The following ZNF438 variants were observed in gnomAD, a reference collection of about 807,000 sequenced individuals.
The protein encoded by ZNF438 is zinc finger protein 438.
In ZNF438, 25 loss-of-function variants were observed where a neutral mutation model predicts 38.0. The observed-to-expected ratio is 0.66, with a 90% CI of 0.48 to 0.92. The LOEUF is 0.92. Ranked by LOEUF, ZNF438 falls within the 40% of genes least tolerant of loss-of-function variation. The pLI is 0.00. For missense variants in ZNF438, 1,007 were observed against 999.6 expected (o/e 1.01, Z -0.10); for synonymous variants, 372 against 364.1 (o/e 1.02, Z -0.25).
intron 1 of ZNF438, among the ~76,000 whole-genome samples, chr10:30,992,448 T>TG: frequency 6.6e-6 from 1 of 151,438 alleles, no homozygotes; most frequent in South Asian, 2.1e-4. Context: ...AGTCTTGCTC[T>TG]GTCGCCCAAG....
At chr10:31,028,333 T>C (rs1564369629) in intron 1 of ZNF438, among the ~76,000 whole-genome samples, 4 of 152,200 alleles carry the variant, frequency 2.6e-5, no homozygotes. Flanking sequence ...TGGTGAGCCC[T>C]GTCAACACTG....
At chr10:30,993,320 C>T (rs1012657371) in intron 1 of ZNF438, among the ~76,000 whole-genome samples, 1 of 152,168 alleles carries the variant, frequency 6.6e-6, no homozygotes, top group Non-Finnish European at 1.5e-5. Flanking sequence ...CCCATGGCAT[C>T]CATGGCATTC....
intron 1 of ZNF438, among the ~76,000 whole-genome samples, chr10:31,003,872 A>C (rs1207040133): frequency 6.6e-6 from 1 of 152,138 alleles, no homozygotes; most frequent in East Asian, 1.9e-4. Flanking sequence ...TGGTACCTCC[A>C]ATGCAAGATC....
chr10:31,007,575 C>T (rs781467931), intron 1 of ZNF438, among the ~76,000 whole-genome samples: 9 of 152,132 alleles, frequency 5.9e-5, no homozygotes, highest in Non-Finnish European at 8.8e-5. Context: ...CCACCGCGCC[C>T]GGCCAGATCT....
chr10:30,927,703 A>T (rs2135165975), intron 2 of ZNF438, among the ~76,000 whole-genome samples: 1 of 152,362 alleles, frequency 6.6e-6, no homozygotes, highest in African/African-American at 2.4e-5. Flanking sequence ...TTTTACAAAG[A>T]TCACTGAACT....
intron 4 of ZNF438, among the ~76,000 whole-genome samples, chr10:30,866,193 A>T (rs2036403729): frequency 6.6e-6 from 1 of 152,186 alleles, no homozygotes; most frequent in Admixed American, 6.5e-5. Context: ...CAGTCAGAGT[A>T]CATGTCTGCT....
chr10:30,956,958 G>T lies in ZNF438; in HGVS notation c.-191-15307C>A, dbSNP rs924250117. ...GTAGTTCTGTTATTAATATTTTAAA[G>T]AACTTCCATGCTGTTTTTTATTATG... On this transcript the variant is annotated intron_variant, in intron 1 of 5. Coordinates refer to ENST00000413025, the Ensembl canonical transcript of ZNF438. Among the ~76,000 whole-genome samples, 15 of 152,096 alleles carry T rather than the reference G, an allele frequency of 9.9e-5. 1 individual carries two copies. Among genetic ancestry groups the T allele is most frequent in the Middle Eastern group, 3.2e-3 (1 of 316 alleles).
At chr10:30,967,668 G>A (rs1304984587) in intron 1 of ZNF438, among the ~76,000 whole-genome samples, 1 of 152,100 alleles carries the variant, frequency 6.6e-6, no homozygotes, top group African/African-American at 2.4e-5. Context: ...TTAAATTAAA[G>A]GATTTCTTCT....
chr10:30,932,772 G>A (rs971156883), intron 2 of ZNF438, among the ~76,000 whole-genome samples: 11 of 152,160 alleles, frequency 7.2e-5, no homozygotes, highest in African/African-American at 2.7e-4. Flanking sequence ...GATATAATCA[G>A]GTTAAAATGA....
intron 4 of ZNF438, among the ~76,000 whole-genome samples, chr10:30,864,130 C>A (rs1305896647): frequency 6.6e-6 from 1 of 152,086 alleles, no homozygotes; most frequent in African/African-American, 2.4e-5. Flanking sequence ...ATTCACTGTC[C>A]CTTTTATTTG....
At chr10:30,953,333 C>T (rs987720408) in intron 1 of ZNF438, among the ~76,000 whole-genome samples, 20 of 151,600 alleles carry the variant, frequency 1.3e-4, no homozygotes, top group Middle Eastern at 3.2e-3. Flanking sequence ...AGCGCACCAG[C>T]GTGGCACATG....
exon 5 of ZNF438, chr10:30,849,808 G>C (rs776944627): frequency 6.2e-7 from 1 of 1,614,048 alleles, no homozygotes; most frequent in Admixed American, 1.7e-5. Context: ...AGTCCCCATG[G>C]TCACTTCCAT....
chr10:30,887,727 A>G (rs1343111968), intron 3 of ZNF438, among the ~76,000 whole-genome samples: 1 of 152,160 alleles, frequency 6.6e-6, no homozygotes, highest in African/African-American at 2.4e-5. Context: ...CTGTCACTTT[A>G]CCATACCTGA....
At position 30,959,582 on chromosome 10, in the gene ZNF438, C is replaced by CG. The variant is rs1554883023; in HGVS notation, c.-191-17932_-191-17931insC. ...TGAAACCCCGTCTCTACTAAAAATACAAAAAAAAAAAAAAAATTAGCCGGG... is the reference window on the plus strand; with the variant it reads ...TGAAACCCCGTCTCTACTAAAAATACGAAAAAAAAAAAAAAAATTAGCCGGG... On this transcript the variant is annotated intron_variant, in intron 1 of 5. Transcript: ENST00000413025. Among the ~76,000 whole-genome samples, 2 of 123,170 alleles carry CG rather than the reference C, an allele frequency of 1.6e-5. 1 individual carries two copies. The highest frequency in any genetic ancestry group is 3.6e-5 in the Non-Finnish European group (2 of 54,906). 80.8% of individuals were successfully genotyped at this position (123,170 alleles called of 152,430 possible).
chr10:30,853,275 GT>G (rs2034018997), intron 4 of ZNF438, among the ~76,000 whole-genome samples: 1 of 152,216 alleles, frequency 6.6e-6, no homozygotes, highest in Non-Finnish European at 1.5e-5. Context: ...GAAAGAATAT[GT>G]GACAATAACA....
At chr10:30,847,306 C>T (rs1202587244) in intron 5 of ZNF438, among the ~76,000 whole-genome samples, 4 of 152,082 alleles carry the variant, frequency 2.6e-5, no homozygotes, top group East Asian at 1.9e-4. Context: ...ATAAAAGCCC[C>T]GGACTTAGCC....
intron 1 of ZNF438, among the ~76,000 whole-genome samples, chr10:31,030,744 G>A (rs1403264109): frequency 1.3e-5 from 2 of 152,204 alleles, no homozygotes; most frequent in African/African-American, 4.8e-5. Flanking sequence ...CCTGAAGTGT[G>A]CACAGTATTC....
intron 4 of ZNF438, among the ~76,000 whole-genome samples, chr10:30,866,965 A>C (rs4749629): frequency 0.59 from 89,334 of 152,064 alleles, 26,500 homozygotes; most frequent in African/African-American, 0.63. Context: ...AGTTTAGTTT[A>C]ACGTTACATG....
At chr10:30,862,227 G>C (rs2035699110) in intron 4 of ZNF438, among the ~76,000 whole-genome samples, 1 of 152,138 alleles carries the variant, frequency 6.6e-6, no homozygotes, top group African/African-American at 2.4e-5. Flanking sequence ...CCACAAAAGA[G>C]GTTTAGTGAG....
Sources: allele counts gnomAD v4.1 joint callset (sites outside exome capture counted in the v4.1 genomes callset), GRCh38; gene constraint gnomAD v4.1.1; transcripts MANE v1.5; gene names NCBI Gene and HGNC (gene_info 2026-07-23, HGNC 2026-07-21).